MAP7D1: variants seen among roughly 807,000 people sequenced by gnomAD.
The protein encoded by MAP7D1 is MAP7 domain-containing protein 1.
MAP7D1 carries 30 observed loss-of-function variants against 97.5 expected under a neutral mutation model. The observed-to-expected ratio is 0.31, with a 90% confidence interval of 0.23 to 0.42. MAP7D1 has a LOEUF of 0.42. Among genes scored for constraint, MAP7D1 ranks in the 10% least tolerant of loss-of-function variants. MAP7D1 has a pLI of 1.00. For missense variants in MAP7D1, 1,184 were observed against 1,179.5 expected (o/e 1.00, Z -0.06); for synonymous variants, 536 against 477.1 (o/e 1.12, Z -1.61).
At chr1:36,165,472 T>G (rs1644462653) in intron 1 of MAP7D1, among the ~76,000 whole-genome samples, 1 of 151,106 alleles carries the variant, frequency 6.6e-6, no homozygotes, top group East Asian at 1.9e-4. Flanking sequence ...TTCTTTTTTT[T>G]TTTTTTTAGA....
At chr1:36,157,846 A>T (rs1172491379) in intron 1 of MAP7D1, among the ~76,000 whole-genome samples, 5 of 152,146 alleles carry the variant, frequency 3.3e-5, no homozygotes, top group Admixed American at 3.3e-4. Flanking sequence ...GGCTACCATC[A>T]GACTGGTGGG....
Position 36,176,304 on chromosome 1 carries a change from G to T in MAP7D1, c.956G>T (p.Arg319Leu). 6.4e-7 allele frequency: 1 copy of T among 1,568,650 alleles called. No individual in the cohort carries two copies. The highest frequency in any genetic ancestry group is 1.2e-5 in the South Asian group (1 of 86,298). The change falls in exon 7 of 17, where the codon CGC (arginine) becomes CTC (leucine). Residue 319 changes from arginine to leucine, a missense_variant. By Grantham distance (102) the Arg-to-Leu change is moderately radical. Coordinates refer to ENST00000474796, the MANE Select transcript of MAP7D1 (RefSeq NM_001388490.1). The surrounding 1 kb of genome is among the most constrained non-coding windows in gnomAD (Gnocchi z 6.1). Reference sequence around the variant, plus strand: ...AGTCGCAGCGCGGTCACACTGCCCCGCAACGGCCGGGACCAGGGTAGGGGC... The same window carrying T: ...AGTCGCAGCGCGGTCACACTGCCCCTCAACGGCCGGGACCAGGGTAGGGGC... The part of the protein sequence containing the change: ...ARSRSAVTLP[R>L]NGRDQGRGCD...
At chr1:36,163,088 C>T (rs930756792) in intron 1 of MAP7D1, among the ~76,000 whole-genome samples, 3 of 152,062 alleles carry the variant, frequency 2.0e-5, no homozygotes, top group African/African-American at 4.8e-5. Flanking sequence ...GAAAGGACTG[C>T]CAGCTCTCAG....
At chr1:36,168,140 C>CA in intron 1 of MAP7D1, among the ~76,000 whole-genome samples, 1 of 152,144 alleles carries the variant, frequency 6.6e-6, no homozygotes, top group East Asian at 1.9e-4. Context: ...ACTAAAAATA[C>CA]AAAAATTAGC....
rs967216955 is a variant in MAP7D1 at position 36,172,586 on chromosome 1, G to T, written c.583G>T (p.Ala195Ser). 2.5e-6 allele frequency: 4 copies of T among 1,580,596 alleles called. No individual in the cohort carries two copies. Among genetic ancestry groups the T allele is most frequent in the Non-Finnish European group, 3.5e-6 (4 of 1,153,962 alleles). ...TCTTAAAGCCGAGCAACGCCGTGCA[G>T]CCCTGGAGGAACGGCAGCGGCAGAA... ...QRLKAEQRRAALEERQRQKLE... is the reference protein window; with the variant it reads ...QRLKAEQRRASLEERQRQKLE... Residue 195 changes from alanine to serine, a missense_variant, in exon 4 of 17, where the codon GCC becomes TCC. Transcript: ENST00000474796.
In MAP7D1 at chr1:36,175,765, G is replaced by A. The variant is rs189673080; in HGVS notation, c.851-434G>A. Among the ~76,000 whole-genome samples the A allele has an allele frequency of 7.9e-4, 121 of 152,344 alleles. No individual in the cohort carries two copies. In the East Asian group the frequency reaches 0.021, roughly 27 times the overall value. Reference sequence around the variant, plus strand: ...TCTCCCTGGCACAGGACTGCTAAAAGCTGGGTCAGAGGAGCACAAGGACCC... The same window carrying A: ...TCTCCCTGGCACAGGACTGCTAAAAACTGGGTCAGAGGAGCACAAGGACCC... On this transcript the variant is annotated intron_variant, in intron 6 of 16. Transcript: ENST00000474796.
chr1:36,156,547 G>T, intron 1 of MAP7D1, 84 bp downstream of exon 1: 1 of 1,173,048 alleles, frequency 8.5e-7, no homozygotes, highest in Non-Finnish European at 1.1e-6. Context: ...CCGGCTGGGC[G>T]GGGACCCCTC....
At position 36,176,448 on chromosome 1, in the gene MAP7D1, C is replaced by T. The variant is rs1644623402; in HGVS notation, c.1100C>T (p.Ala367Val). ...AVPVCPRSAS[A>V]SPLTPCSVTR... is the part of the protein sequence containing the mutation. Reference sequence around the variant, plus strand: ...CCGGTGTGCCCGCGCTCGGCCTCCGCCAGCCCCCTGACGCCGTGCAGCGTC... The same window carrying T: ...CCGGTGTGCCCGCGCTCGGCCTCCGTCAGCCCCCTGACGCCGTGCAGCGTC... Residue 367 changes from alanine (A) to valine (V), a missense_variant, in exon 7 of 17, where the codon GCC becomes GTC. Coordinates refer to ENST00000474796, the MANE Select transcript of MAP7D1 (RefSeq NM_001388490.1). This position sits in a 1 kb window ranked among gnomAD's most constrained non-coding sequence, Gnocchi z 6.1. 2.0e-6 allele frequency: 3 copies of T among 1,514,024 alleles called. No homozygotes were observed. The highest frequency in any genetic ancestry group is 2.4e-5 in the South Asian group (2 of 82,664). 93.8% of individuals were successfully genotyped at this position (1,514,024 alleles called of 1,614,324 possible).
chr1:36,178,179 G>A lies in MAP7D1; in HGVS notation c.1686G>A (p.Gln562=). 2 of 1,564,562 alleles carry A rather than the reference G, an allele frequency of 1.3e-6. No individual in the cohort carries two copies. The highest frequency in any genetic ancestry group is 8.7e-7 in the Non-Finnish European group (1 of 1,155,468). ...SPTPAPPQKE[Q]PPAETPTDAA... Reference sequence around the variant, plus strand: ...CCCCAGCCCCGCCCCAGAAGGAGCAGCCCCCCGCGGAGACCCCTACAGGTA... The same window carrying A: ...CCCCAGCCCCGCCCCAGAAGGAGCAACCCCCCGCGGAGACCCCTACAGGTA... The change falls in exon 9 of 17, where the codon CAG becomes CAA. Residue 562 remains glutamine (Q), a synonymous_variant. Coordinates refer to ENST00000474796, the MANE Select transcript of MAP7D1 (RefSeq NM_001388490.1).
chr1:36,168,013 T>C (rs957312487), intron 1 of MAP7D1, among the ~76,000 whole-genome samples: 1 of 152,154 alleles, frequency 6.6e-6, no homozygotes, highest in Admixed American at 6.5e-5. Context: ...ATCCCAACTC[T>C]AGGCTGGGTG....
At position 36,176,266 on chromosome 1, in the gene MAP7D1, C is replaced by T. The variant is rs1570159325; in HGVS notation, c.918C>T (p.Ser306=). The T allele has an allele frequency of 8.1e-6, 13 of 1,607,014 alleles. No homozygotes were observed. The East Asian group carries it at 2.9e-4, about 36-fold the overall frequency. The stretch of plus-strand genomic sequence containing the variant: ...ATCGTCTGATGACGCCCACTCTCTC[C>T]TTCCTTGCTCGGAGTCGCAGCGCGG... The part of the protein sequence containing the change: ...IVDRLMTPTL[S]FLARSRSAVT... The change falls in exon 7 of 17, where the codon TCC becomes TCT. Residue 306 remains serine, a synonymous_variant. Transcript: ENST00000474796. This position sits in a 1 kb window ranked among gnomAD's most constrained non-coding sequence, Gnocchi z 6.1.
Position 36,172,640 on chromosome 1 carries a change from T to G in MAP7D1, c.624+13T>G, listed in dbSNP as rs1318388158. ...CGAGAAAAACAAGGTGCGGGATGGG[T>G]CTCCGTGAATCCATGTACACGTGTG... On this transcript the variant is annotated intron_variant, in intron 4 of 16. Coordinates refer to ENST00000474796, the MANE Select transcript of MAP7D1 (RefSeq NM_001388490.1). The G allele has an allele frequency of 1.9e-6, 3 of 1,550,994 alleles. No homozygotes were observed. The highest frequency in any genetic ancestry group is 3.6e-5 in the Admixed American group (2 of 55,934).
chr1:36,178,839 G>A lies in MAP7D1; in HGVS notation c.2025+16G>A. 1 of 1,545,318 alleles carries A rather than the reference G, an allele frequency of 6.5e-7. No individual in the cohort carries two copies. The highest frequency in any genetic ancestry group is 8.7e-7 in the Non-Finnish European group (1 of 1,144,954). ...GCAGAAGCAGGTGCCCCCGGCGGGCGGGAAGCGGCTGGGCGCGGGCGCCGC... is the reference window on the plus strand; with the variant it reads ...GCAGAAGCAGGTGCCCCCGGCGGGCAGGAAGCGGCTGGGCGCGGGCGCCGC... On this transcript the variant is annotated intron_variant, in intron 11 of 16. Transcript: ENST00000474796.
In MAP7D1 at chr1:36,176,307, A is replaced by G. The variant is rs1213932273; in HGVS notation, c.959A>G (p.Asn320Ser). Residue 320 changes from asparagine to serine, a missense_variant, in exon 7 of 17, where the codon AAC becomes AGC. Coordinates refer to ENST00000474796, the MANE Select transcript of MAP7D1 (RefSeq NM_001388490.1). The surrounding 1 kb of genome is among the most constrained non-coding windows in gnomAD (Gnocchi z 6.1). ...CGCAGCGCGGTCACACTGCCCCGCA[A>G]CGGCCGGGACCAGGGTAGGGGCTGC... ...RSRSAVTLPR[N>S]GRDQGRGCDP... The G allele has an allele frequency of 3.2e-6, 5 of 1,565,374 alleles. No individual in the cohort carries two copies. The highest frequency in any genetic ancestry group is 3.5e-6 in the Non-Finnish European group (4 of 1,158,046).
chr1:36,156,654 C>T (rs1313707238), intron 1 of MAP7D1, among the ~76,000 whole-genome samples, 191 bp downstream of exon 1: 1 of 152,094 alleles, frequency 6.6e-6, no homozygotes, highest in Non-Finnish European at 1.5e-5. Context: ...GCTGCCCCCT[C>T]CCCCACCCCG....
intron 1 of MAP7D1, among the ~76,000 whole-genome samples, chr1:36,167,150 C>T (rs1019126737): frequency 2.0e-5 from 3 of 152,022 alleles, no homozygotes; most frequent in Non-Finnish European, 2.9e-5. Context: ...CAAGGGAGTG[C>T]GTGTGGATAG....
rs751107360 is a variant in MAP7D1 at position 36,171,165 on chromosome 1, C to G, written c.241C>G (p.Pro81Ala). 2 of 1,614,014 alleles carry G rather than the reference C, an allele frequency of 1.2e-6. No homozygotes were observed. The highest frequency in any genetic ancestry group is 2.2e-5 in the East Asian group (1 of 44,884). ...AGGGCAGGTCGGGCCTAGGCCAGCCCCCCCGCAGGAAGAGTCCCCTTCCTC... is the reference window on the plus strand; with the variant it reads ...AGGGCAGGTCGGGCCTAGGCCAGCCGCCCCGCAGGAAGAGTCCCCTTCCTC... The part of the protein sequence containing the change: ...PSGQVGPRPA[P>A]PQEESPSSEA... Residue 81 changes from proline (P) to alanine (A), a missense_variant, in exon 2 of 17, where the codon CCC (proline) becomes GCC (alanine). By Grantham distance (27) the Pro-to-Ala change is conservative. Transcript: ENST00000474796.
rs371171837 is a variant in MAP7D1 at position 36,171,060 on chromosome 1, G to A, written c.136G>A (p.Asp46Asn). 2.6e-5 allele frequency: 39 copies of A among 1,494,614 alleles called. 1 individual carries two copies. In the Admixed American group the frequency reaches 6.1e-4, roughly 24 times the overall value. 92.6% of individuals were successfully genotyped at this position (1,494,614 alleles called of 1,614,324 possible). The change falls in exon 2 of 17, where the codon GAC becomes AAC. Residue 46 changes from aspartate to asparagine, a missense_variant. Transcript: ENST00000474796. ...ACCACCAATGTCAGCCCTGGTCCCC[G>A]ACACTCCCCCGGACACCCCTCCTGC... ...PPPPMSALVP[D>N]TPPDTPPAMK...
chr1:36,163,817 CTTTTTTTTTTTTTT>C (rs869169250), intron 1 of MAP7D1, among the ~76,000 whole-genome samples: 15 of 86,784 alleles, frequency 1.7e-4, no homozygotes, highest in Admixed American at 7.6e-4. Flanking sequence ...TACTTTTTTT[CTTTTTTTTTTTTTT>C]TTTTTTTTTT....
Sources: gnomAD v4.1 joint callset for allele counts (sites outside exome capture counted in the v4.1 genomes callset) on GRCh38, gnomAD v4.1.1 for gene constraint, Gnocchi (gnomAD v3.1) non-coding constraint, MANE v1.5 for transcripts, NCBI Gene and HGNC (gene_info 2026-07-23, HGNC 2026-07-21) for gene names.